KHDRBS2: variants seen among roughly 807,000 people sequenced by gnomAD.
The protein encoded by KHDRBS2 is KH RNA binding domain containing, signal transduction associated 2.
KHDRBS2 carries 26 observed loss-of-function variants against 44.3 expected under a neutral mutation model. That is an observed-to-expected ratio of 0.59 (90% CI 0.43 to 0.81). The LOEUF is 0.81. KHDRBS2 is among the 40% of genes least tolerant of loss of function. The pLI is 0.00. For missense variants in KHDRBS2, 476 were observed against 433.1 expected (o/e 1.10, Z -0.88); for synonymous variants, 194 against 151.1 (o/e 1.28, Z -2.08).
intron 2 of KHDRBS2, among the ~76,000 whole-genome samples, chr6:62,169,136 C>CATATATGTGTGTATATATACATATACAT (rs1819376528): frequency 2.6e-5 from 2 of 78,408 alleles, no homozygotes; most frequent in African/African-American, 1.3e-4. Context: ...TACATATACA[C>CATATATGTGTGTATATATACATATACAT]ACATATATGT....
chr6:61,789,017 G>C, intron 6 of KHDRBS2, among the ~76,000 whole-genome samples: 1 of 151,286 alleles, frequency 6.6e-6, no homozygotes, highest in East Asian at 1.9e-4. Flanking sequence ...TAGTTACTTG[G>C]CAAGTTCTTT....
At chr6:62,010,002 T>C (rs1253094216) in intron 3 of KHDRBS2, among the ~76,000 whole-genome samples, 1 of 152,036 alleles carries the variant, frequency 6.6e-6, no homozygotes, top group Non-Finnish European at 1.5e-5. Flanking sequence ...AGGGCCACCG[T>C]CCTCCAGATC....
At chr6:61,810,171 C>T (rs1165230947) in intron 6 of KHDRBS2, among the ~76,000 whole-genome samples, 1 of 151,998 alleles carries the variant, frequency 6.6e-6, no homozygotes, top group Non-Finnish European at 1.5e-5. Context: ...CAGTGAGTGT[C>T]CTGCAATGGC....
chr6:61,709,665 A>C (rs558454308), intron 7 of KHDRBS2, among the ~76,000 whole-genome samples: 2 of 151,590 alleles, frequency 1.3e-5, no homozygotes, highest in South Asian at 4.1e-4. Flanking sequence ...CTTTTGTTTT[A>C]TTATGTAGAA....
intron 1 of KHDRBS2, among the ~76,000 whole-genome samples, chr6:62,244,920 T>G (rs1835295765): frequency 6.6e-6 from 1 of 152,238 alleles, no homozygotes; most frequent in Non-Finnish European, 1.5e-5. Context: ...ACCTCAGGGC[T>G]GTGGTACCCT....
intron 1 of KHDRBS2, among the ~76,000 whole-genome samples, chr6:62,285,027 G>A (rs1842289340): frequency 6.6e-6 from 1 of 152,132 alleles, no homozygotes; most frequent in Admixed American, 6.5e-5. Flanking sequence ...GCATGGGTAA[G>A]TAACTACAGA....
intron 6 of KHDRBS2, among the ~76,000 whole-genome samples, chr6:61,841,814 G>GT (rs145819402): frequency 0.015 from 2,307 of 151,964 alleles, 58 homozygotes; most frequent in African/African-American, 0.052. Flanking sequence ...CCCTTAAAGA[G>GT]TTTTTTTTAC....
At chr6:61,997,904 A>G (rs1050183300) in intron 3 of KHDRBS2, among the ~76,000 whole-genome samples, 1 of 152,232 alleles carries the variant, frequency 6.6e-6, no homozygotes, top group African/African-American at 2.4e-5. Flanking sequence ...ATTCAGAAAG[A>G]GTTAGATATT....
chr6:61,811,720 AT>A (rs571708359), intron 6 of KHDRBS2, among the ~76,000 whole-genome samples: 14 of 151,810 alleles, frequency 9.2e-5, no homozygotes, highest in African/African-American at 2.9e-4. Context: ...TCTCTTCTTG[AT>A]TTTTTTTATT....
Position 61,811,880 on chromosome 6 carries a change from G to A in KHDRBS2, c.811-79116C>T, listed in dbSNP as rs544853456. Among the ~76,000 whole-genome samples, 15 of 151,926 alleles carry A rather than the reference G, an allele frequency of 9.9e-5. No individual in the cohort carries two copies. The East Asian group carries it at 1.2e-3, about 12-fold the overall frequency. On this transcript the variant is annotated intron_variant, in intron 6 of 8. Transcript: ENST00000281156. ...TCTGATGTTTCTTCATGTACAATTC[G>A]GTTTACACTTATTCCAGTTCCAGTG...
At chr6:62,201,621 T>G (rs963225431) in intron 1 of KHDRBS2, among the ~76,000 whole-genome samples, 5 of 152,066 alleles carry the variant, frequency 3.3e-5, no homozygotes, top group African/African-American at 1.2e-4. Flanking sequence ...AAAACTAATT[T>G]GCAAATTCAA....
the KHDRBS2 span, among the ~76,000 whole-genome samples, chr6:61,603,152 C>A: frequency 6.6e-6 from 1 of 152,178 alleles, no homozygotes; most frequent in Non-Finnish European, 1.5e-5. Flanking sequence ...CCTGTTACAG[C>A]ATGGCCTTTT....
chr6:62,181,276 A>T (rs1374804819), intron 1 of KHDRBS2, among the ~76,000 whole-genome samples: 3 of 152,014 alleles, frequency 2.0e-5, no homozygotes, highest in Non-Finnish European at 4.4e-5. Flanking sequence ...AATGGAATGA[A>T]ATATTTGAAA....
At chr6:62,114,578 G>A (rs923521377) in intron 2 of KHDRBS2, among the ~76,000 whole-genome samples, 2 of 152,062 alleles carry the variant, frequency 1.3e-5, no homozygotes, top group Admixed American at 1.3e-4. Flanking sequence ...ATTATATTAT[G>A]ATCTAAGTGA....
At chr6:61,820,076 C>T (rs1789642299) in intron 6 of KHDRBS2, among the ~76,000 whole-genome samples, 1 of 152,054 alleles carries the variant, frequency 6.6e-6, no homozygotes, top group South Asian at 2.1e-4. Flanking sequence ...CAGTCTGTTT[C>T]AAGAACCTTG....
the KHDRBS2 span, among the ~76,000 whole-genome samples, chr6:61,645,537 G>A: frequency 6.2e-5 from 8 of 129,566 alleles, no homozygotes; most frequent in Non-Finnish European, 1.2e-4. Flanking sequence ...AAAAAAAAAG[G>A]TATTTGAGTA....
chr6:61,748,103 G>A (rs1355968052), intron 6 of KHDRBS2, among the ~76,000 whole-genome samples: 1 of 151,916 alleles, frequency 6.6e-6, no homozygotes, highest in East Asian at 1.9e-4. Context: ...CGATTCTCCT[G>A]CTCAGTCTCC....
At chr6:62,238,885 T>C (rs1834137234) in intron 1 of KHDRBS2, among the ~76,000 whole-genome samples, 1 of 152,200 alleles carries the variant, frequency 6.6e-6, no homozygotes, top group Non-Finnish European at 1.5e-5. Context: ...GGGAGATTTA[T>C]GGCTTATCTA....
At chr6:61,654,690 G>T in the KHDRBS2 span, among the ~76,000 whole-genome samples, 1 of 151,164 alleles carries the variant, frequency 6.6e-6, no homozygotes, top group East Asian at 2.1e-4. Flanking sequence ...TCTCTGAGTT[G>T]CTCAACTCAG....
Sources: gnomAD v4.1 joint callset for allele counts (sites outside exome capture counted in the v4.1 genomes callset) on GRCh38, gnomAD v4.1.1 for gene constraint, MANE v1.5 for transcripts, NCBI Gene and HGNC (gene_info 2026-07-23, HGNC 2026-07-21) for gene names.